Variants in BLID observed in about 807,000 individuals in gnomAD.
The protein encoded by BLID is BH3-like motif-containing cell death inducer.
For synonymous variants in BLID, 47 were observed against 49.6 expected, an observed-to-expected ratio of 0.95 and a Z score of 0.22; for missense variants, 136 against 127.9, an observed-to-expected ratio of 1.06 and a Z score of -0.31.
At position 122,115,845 on chromosome 11, in the gene BLID, T is replaced by C. The variant is rs1450246942; in HGVS notation, c.78A>G (p.Thr26=). 5.6e-6 allele frequency: 9 copies of C among 1,613,652 alleles called. No homozygotes were observed. The highest frequency in any genetic ancestry group is 4.5e-5 in the East Asian group (2 of 44,874). ...EILESECVLY[T]GWIERASGSS... is the part of the protein sequence containing the mutation. ...TGCCAGAGGCTCGCTCTATCCATCC[T>C]GTGTAGAGCACACACTCAGATTCTA... The change falls in exon 1 of 1, where the codon ACA becomes ACG. Residue 26 remains threonine, a synonymous_variant. Transcript: ENST00000560104.
rs752054966 is a variant in BLID at position 122,115,834 on chromosome 11, T to C, written c.89A>G (p.Glu30Gly). 2 of 1,614,158 alleles carry C rather than the reference T, an allele frequency of 1.2e-6. No homozygotes were observed. The highest frequency in any genetic ancestry group is 1.7e-6 in the Non-Finnish European group (2 of 1,179,982). The change falls in exon 1 of 1, where the codon GAG becomes GGG. Residue 30 changes from glutamate to glycine, a missense_variant. Physicochemically the swap from Glu to Gly is moderately conservative, Grantham distance 98. Transcript: ENST00000560104. ...SECVLYTGWIERASGSSIYPE... is the reference protein window; with the variant it reads ...SECVLYTGWIGRASGSSIYPE... ...ATAAATGGAACTGCCAGAGGCTCGC[T>C]CTATCCATCCTGTGTAGAGCACACA...
chr11:122,115,963 C>G lies in BLID; in HGVS notation c.-41G>C. 6.7e-7 allele frequency: 1 copy of G among 1,487,344 alleles called. No homozygotes were observed. The highest frequency in any genetic ancestry group is 9.2e-7 in the Non-Finnish European group (1 of 1,091,478). 92.1% of individuals were successfully genotyped at this position (1,487,344 alleles called of 1,614,324 possible). A position where few individuals can be genotyped will look rare whatever the true frequency, so the allele number is the denominator to read the frequency against. ...TGGAAGAAAGTCCAAAATTTAACTT[C>G]CATTCGCTTTATTCAGCAAGTTTTT... On this transcript the variant is annotated 5_prime_UTR_variant, in exon 1 of 1. Transcript: ENST00000560104.
At position 122,115,808 on chromosome 11, in the gene BLID, G is replaced by C; in HGVS notation, c.115C>G (p.Pro39Ala). The C allele has an allele frequency of 6.2e-7, 1 of 1,614,104 alleles. No homozygotes were observed. The highest frequency in any genetic ancestry group is 1.1e-5 in the South Asian group (1 of 91,078). Residue 39 changes from proline (P) to alanine (A), a missense_variant, in exon 1 of 1, where the codon CCA (proline) becomes GCA (alanine). Coordinates refer to ENST00000560104, the MANE Select transcript of BLID (RefSeq NM_001001786.3). The stretch of plus-strand genomic sequence containing the variant: ...AGTGGCAGGCGTGCTTTTGCCTCTG[G>C]ATAAATGGAACTGCCAGAGGCTCGC... Reference protein sequence around the residue: ...IERASGSSIYPEAKARLPLEA... With the variant: ...IERASGSSIYAEAKARLPLEA...
chr11:122,115,445 C>G lies in BLID; in HGVS notation c.*151G>C, dbSNP rs1258944872. ...TATTGTTTCTCTGCACAATTTGAAC[C>G]AAATTTGGAAAAGTTATGGGTAAAA... is the stretch of plus-strand genomic sequence containing the variant. On this transcript the variant is annotated 3_prime_UTR_variant, in exon 1 of 1. Transcript: ENST00000560104. 3.5e-6 allele frequency: 2 copies of G among 567,064 alleles called. No homozygotes were observed. The highest frequency in any genetic ancestry group is 3.1e-5 in the South Asian group (1 of 32,252). The allele number at this position is 567,064 out of a possible 1,614,324, so 35.1% of individuals were successfully genotyped here.
In BLID at chr11:122,115,462, T is replaced by C. The variant is rs538433948; in HGVS notation, c.*134A>G. 4 of 597,500 alleles carry C rather than the reference T, an allele frequency of 6.7e-6. No individual in the cohort carries two copies. Among genetic ancestry groups the C allele is most frequent in the Non-Finnish European group, 1.1e-5 (4 of 348,586 alleles). The allele number at this position is 597,500 out of a possible 1,614,324, so 37.0% of individuals were successfully genotyped here. On this transcript the variant is annotated 3_prime_UTR_variant, in exon 1 of 1. Transcript: ENST00000560104. Reference sequence around the variant, plus strand: ...ATTTGAACCAAATTTGGAAAAGTTATGGGTAAAAGTGGGTAGAAAAGACTG... The same window carrying C: ...ATTTGAACCAAATTTGGAAAAGTTACGGGTAAAAGTGGGTAGAAAAGACTG...
chr11:122,115,425 T>C lies in BLID; in HGVS notation c.*171A>G, dbSNP rs750169025. The C allele has an allele frequency of 3.7e-6, 2 of 547,454 alleles. No individual in the cohort carries two copies. Among genetic ancestry groups the C allele is most frequent in the East Asian group, 5.7e-5 (2 of 35,216 alleles). 33.9% of individuals were successfully genotyped at this position (547,454 alleles called of 1,614,324 possible). ...TTTATCCTTTTTAAAAATTTTATTG[T>C]TTCTCTGCACAATTTGAACCAAATT... On this transcript the variant is annotated 3_prime_UTR_variant, in exon 1 of 1. Coordinates refer to ENST00000560104, the MANE Select transcript of BLID (RefSeq NM_001001786.3).
chr11:122,115,750 A>T lies in BLID; in HGVS notation c.173T>A (p.Met58Lys). 1 of 1,614,234 alleles carries T rather than the reference A, an allele frequency of 6.2e-7. No individual in the cohort carries two copies. Among genetic ancestry groups the T allele is most frequent in the Non-Finnish European group, 8.5e-7 (1 of 1,180,034 alleles). ...EALLGSNKEP[M>K]LPKETVLSLK... Reference sequence around the variant, plus strand: ...AGAAAGCACTGTTTCCTTAGGCAACATAGGTTCTTTGTTGGAACCCAAGAG... The same window carrying T: ...AGAAAGCACTGTTTCCTTAGGCAACTTAGGTTCTTTGTTGGAACCCAAGAG... Residue 58 changes from methionine (M) to lysine (K), a missense_variant, in exon 1 of 1, where the codon ATG (methionine) becomes AAG (lysine). Met to Lys is a moderately conservative substitution (Grantham distance 95). Transcript: ENST00000560104.
the BLID span, chr11:122,115,749 C>CA: frequency 6.2e-7 from 1 of 1,614,190 alleles, no homozygotes; most frequent in Non-Finnish European, 8.5e-7. Flanking sequence ...CCTTAGGCAA[C>CA]ATAGGTTCTT....
chr11:122,115,465 G>T lies in BLID; in HGVS notation c.*131C>A. ...TGAACCAAATTTGGAAAAGTTATGG[G>T]TAAAAGTGGGTAGAAAAGACTGTTA... On this transcript the variant is annotated 3_prime_UTR_variant, in exon 1 of 1. Coordinates refer to ENST00000560104, the MANE Select transcript of BLID (RefSeq NM_001001786.3). The T allele has an allele frequency of 1.6e-6, 1 of 620,434 alleles. No homozygotes were observed. Among genetic ancestry groups the T allele is most frequent in the Non-Finnish European group, 2.7e-6 (1 of 365,442 alleles). The allele number at this position is 620,434 out of a possible 1,614,324, so 38.4% of individuals were successfully genotyped here.
rs1941182508 is a variant in BLID, at chr11:122,115,540, A to G, written c.*56T>C. On this transcript the variant is annotated 3_prime_UTR_variant, in exon 1 of 1. Coordinates refer to ENST00000560104, the MANE Select transcript of BLID (RefSeq NM_001001786.3). ...GTTTCCTTCTGTGTTGTGCAGCCTG[A>G]ATAATGGGCGAAATCTGTCCTAATA... 7.8e-7 allele frequency: 1 copy of G among 1,279,588 alleles called. No homozygotes were observed. Among genetic ancestry groups the G allele is most frequent in the African/African-American group, 1.5e-5 (1 of 68,140 alleles). The allele number at this position is 1,279,588 out of a possible 1,614,324, so 79.3% of individuals were successfully genotyped here. A position where few individuals can be genotyped will look rare whatever the true frequency, so the allele number is the denominator to read the frequency against.
the BLID span, chr11:122,115,700 AG>A: frequency 6.2e-7 from 1 of 1,614,158 alleles, no homozygotes; most frequent in Non-Finnish European, 8.5e-7. Flanking sequence ...TTCATGGCAG[AG>A]GAGCCAAGAT....
Position 122,115,663 on chromosome 11 carries a change from T to C in BLID, c.260A>G (p.Gln87Arg), listed in dbSNP as rs1453315117. ...TATCCTGGTTAAATAGGAAGGTCTC[T>C]GAAGCACATGTCCAGGAACATTCCG... is the stretch of plus-strand genomic sequence containing the variant. ...MKRNVPGHVL[Q>R]RPSYLTRIQV... is the part of the protein sequence containing the mutation. The change falls in exon 1 of 1, where the codon CAG becomes CGG. Residue 87 changes from glutamine (Q) to arginine (R), a missense_variant. Physicochemically the swap from Gln to Arg is conservative, Grantham distance 43. Coordinates refer to ENST00000560104, the MANE Select transcript of BLID (RefSeq NM_001001786.3). 1.2e-6 allele frequency: 2 copies of C among 1,614,182 alleles called. No individual in the cohort carries two copies. The highest frequency in any genetic ancestry group is 3.3e-5 in the Admixed American group (2 of 60,022).
chr11:122,115,791 G>A lies in BLID; in HGVS notation c.132C>T (p.Arg44=), dbSNP rs139339181. ...AACCCAAGAGCGCCTCCAGTGGCAGGCGTGCTTTTGCCTCTGGATAAATGG... is the reference window on the plus strand; with the variant it reads ...AACCCAAGAGCGCCTCCAGTGGCAGACGTGCTTTTGCCTCTGGATAAATGG... The part of the protein sequence containing the change: ...GSSIYPEAKA[R]LPLEALLGSN... Residue 44 remains arginine (R), a synonymous_variant, in exon 1 of 1, where the codon CGC becomes CGT. Coordinates refer to ENST00000560104, the MANE Select transcript of BLID (RefSeq NM_001001786.3). 364 of 1,614,130 alleles carry A rather than the reference G, an allele frequency of 2.3e-4. No individual in the cohort carries two copies. The highest frequency in any genetic ancestry group is 2.3e-4 in the Non-Finnish European group (274 of 1,179,988).
In BLID at chr11:122,115,910, A is replaced by G; in HGVS notation, c.13T>C (p.Leu5=). The change falls in exon 1 of 1, where the codon TTG becomes CTG. Residue 5 remains leucine, a synonymous_variant. Transcript: ENST00000560104. MVTL[L]PIEGQEIHFF... ...TGTATTTCCTGGCCCTCTATAGGCA[A>G]CAAAGTCACCATAATTTGAAGCTAT... is the stretch of plus-strand genomic sequence containing the variant. The G allele has an allele frequency of 6.3e-7, 1 of 1,584,198 alleles. No individual in the cohort carries two copies. Among genetic ancestry groups the G allele is most frequent in the Non-Finnish European group, 8.6e-7 (1 of 1,162,052 alleles).
chr11:122,115,511 T>A lies in BLID; in HGVS notation c.*85A>T, dbSNP rs766034081. 14 of 931,142 alleles carry A rather than the reference T, an allele frequency of 1.5e-5. No individual in the cohort carries two copies. Among genetic ancestry groups the A allele is most frequent in the Non-Finnish European group, 2.0e-5 (12 of 599,316 alleles). 57.7% of individuals were successfully genotyped at this position (931,142 alleles called of 1,614,324 possible). ...TGTTAAGAATTGGGTCTTATTGAAATCAAGTTTCCTTCTGTGTTGTGCAGC... is the reference window on the plus strand; with the variant it reads ...TGTTAAGAATTGGGTCTTATTGAAAACAAGTTTCCTTCTGTGTTGTGCAGC... On this transcript the variant is annotated 3_prime_UTR_variant, in exon 1 of 1. Transcript: ENST00000560104.
chr11:122,115,351 A>C lies in BLID; in HGVS notation c.*245T>G. 4.4e-6 allele frequency: 2 copies of C among 451,204 alleles called. No individual in the cohort carries two copies. The highest frequency in any genetic ancestry group is 7.9e-6 in the Non-Finnish European group (2 of 252,262). 28.0% of individuals were successfully genotyped at this position (451,204 alleles called of 1,614,324 possible). On this transcript the variant is annotated 3_prime_UTR_variant, in exon 1 of 1. Transcript: ENST00000560104. ...CACATAGCTTTTTGTTTTTTCATGA[A>C]TTTGCAAGATTTGTTTTAATTAAAT...
At position 122,116,125 on chromosome 11, in the gene BLID, C is replaced by T. The variant is rs7116477; in HGVS notation, c.-203G>A. 4.5e-4 allele frequency: 250 copies of T among 555,220 alleles called. No individual in the cohort carries two copies. Among genetic ancestry groups the T allele is most frequent in the African/African-American group, 4.3e-3 (230 of 53,332 alleles). The allele number at this position is 555,220 out of a possible 1,614,324, so 34.4% of individuals were successfully genotyped here. A position where few individuals can be genotyped will look rare whatever the true frequency, so the allele number is the denominator to read the frequency against. On this transcript the variant is annotated 5_prime_UTR_variant, in exon 1 of 1. It removes the in-frame stop codon of an upstream open reading frame in the 5' UTR. Coordinates refer to ENST00000560104, the MANE Select transcript of BLID (RefSeq NM_001001786.3). ...TGGAATTTCCCTTGATTTCAAGTGGCTACTCACCAAAATCCTCAACTGAAA... is the reference window on the plus strand; with the variant it reads ...TGGAATTTCCCTTGATTTCAAGTGGTTACTCACCAAAATCCTCAACTGAAA...
In BLID at chr11:122,116,075, C is replaced by A; in HGVS notation, c.-153G>T. 1.7e-6 allele frequency: 1 copy of A among 598,362 alleles called. No individual in the cohort carries two copies. The highest frequency in any genetic ancestry group is 3.0e-6 in the Non-Finnish European group (1 of 335,968). 37.1% of individuals were successfully genotyped at this position (598,362 alleles called of 1,614,324 possible). A position where few individuals can be genotyped will look rare whatever the true frequency, so the allele number is the denominator to read the frequency against. On this transcript the variant is annotated 5_prime_UTR_variant, in exon 1 of 1. The change creates a new upstream start codon in the 5' untranslated region. Coordinates refer to ENST00000560104, the MANE Select transcript of BLID (RefSeq NM_001001786.3). ...AGTGGTGGGATCCTTCCTCCTCTTC[C>A]TTTCTTCCCAGCTCCTGCTATTCAT... is the stretch of plus-strand genomic sequence containing the variant.
chr11:122,115,643 T>C lies in BLID; in HGVS notation c.280A>G (p.Arg94Gly), dbSNP rs1419410883. 1 of 1,614,136 alleles carries C rather than the reference T, an allele frequency of 6.2e-7. No individual in the cohort carries two copies. The highest frequency in any genetic ancestry group is 1.7e-5 in the Admixed American group (1 of 60,014). Residue 94 changes from arginine to glycine, a missense_variant, in exon 1 of 1, where the codon AGG becomes GGG. Physicochemically the swap from Arg to Gly is moderately radical, Grantham distance 125 (BLOSUM62 -2). Coordinates refer to ENST00000560104, the MANE Select transcript of BLID (RefSeq NM_001001786.3). ...HVLQRPSYLT[R>G]IQVTLLCNSS... ...TTGCATAACAATGTAACTTGTATCC[T>C]GGTTAAATAGGAAGGTCTCTGAAGC...
Sources: allele counts gnomAD v4.1 joint callset, GRCh38; gene constraint gnomAD v4.1.1; transcripts MANE v1.5; gene names NCBI Gene and HGNC (gene_info 2026-07-23, HGNC 2026-07-21).